EPHB1: variants seen among roughly 807,000 people sequenced by gnomAD.
EPHB1 encodes EPH receptor B1, also known as ephrin type-B receptor 1.
In EPHB1, 30 loss-of-function variants were observed where a neutral mutation model predicts 94.4. The ratio of observed to expected loss-of-function variants is 0.32; its 90% CI spans 0.24 to 0.43. EPHB1 has a LOEUF of 0.43. EPHB1 is among the 20% of genes least tolerant of loss of function. EPHB1 has a pLI of 1.00. For synonymous variants in EPHB1, 522 were observed against 489.1 expected (o/e 1.07, Z -0.89); for missense variants, 1,055 against 1,308.3 (o/e 0.81, Z 2.99).
intron 3 of EPHB1, among the ~76,000 whole-genome samples, chr3:134,977,504 C>T (rs1180804310): frequency 1.3e-5 from 2 of 152,192 alleles, no homozygotes; most frequent in African/African-American, 4.8e-5. Context: ...GTGGCCAGGA[C>T]ATCCTTGTTT....
At chr3:135,124,507 A>G (rs1940115589) in intron 4 of EPHB1, among the ~76,000 whole-genome samples, 1 of 151,772 alleles carries the variant, frequency 6.6e-6, no homozygotes, top group Non-Finnish European at 1.5e-5. Flanking sequence ...AAGCCATCCT[A>G]AGTGACTGGC....
At chr3:134,934,267 C>T (rs976333918) in intron 2 of EPHB1, among the ~76,000 whole-genome samples, 1 of 152,148 alleles carries the variant, frequency 6.6e-6, no homozygotes, top group African/African-American at 2.4e-5. Context: ...ATATAATACG[C>T]GTCTTTTAGG....
At chr3:135,158,930 C>T (rs1237640974) in intron 6 of EPHB1, among the ~76,000 whole-genome samples, 2 of 152,132 alleles carry the variant, frequency 1.3e-5, no homozygotes, top group East Asian at 1.9e-4. Context: ...ATTTTAGGAT[C>T]GTTTTCTCAT....
chr3:135,009,374 A>G (rs1935539454), intron 3 of EPHB1, among the ~76,000 whole-genome samples: 1 of 152,196 alleles, frequency 6.6e-6, no homozygotes, highest in South Asian at 2.1e-4. Context: ...TCAGAAAGTC[A>G]TGTATTAAAG....
chr3:135,112,428 A>G (rs1415100752), intron 4 of EPHB1, among the ~76,000 whole-genome samples: 1 of 151,976 alleles, frequency 6.6e-6, no homozygotes, highest in Non-Finnish European at 1.5e-5. Context: ...GTTTTAGGGT[A>G]CATGTGCACA....
chr3:134,872,254 C>T (rs997499637), intron 1 of EPHB1, among the ~76,000 whole-genome samples: 2 of 152,220 alleles, frequency 1.3e-5, no homozygotes, highest in African/African-American at 4.8e-5. Context: ...GCTTAGGGGT[C>T]TCCAGGATAT....
At chr3:134,882,765 C>CCTTTCTTTCTTTCTTTTTT (rs2037770300) in intron 1 of EPHB1, among the ~76,000 whole-genome samples, 1 of 79,882 alleles carries the variant, frequency 1.3e-5, no homozygotes, top group East Asian at 3.7e-4. Flanking sequence ...TTCCTTCCTT[C>CCTTTCTTTCTTTCTTTTTT]CTTTCTTTCT....
At chr3:134,908,780 A>G (rs925547513) in intron 1 of EPHB1, among the ~76,000 whole-genome samples, 1 of 152,068 alleles carries the variant, frequency 6.6e-6, no homozygotes, top group Non-Finnish European at 1.5e-5. Flanking sequence ...GGTGAGGGCA[A>G]TGAGGAAGGG....
chr3:135,008,142 C>T (rs1335838772), intron 3 of EPHB1, among the ~76,000 whole-genome samples: 1 of 152,126 alleles, frequency 6.6e-6, no homozygotes, highest in Non-Finnish European at 1.5e-5. Flanking sequence ...TGGGGGCATG[C>T]AGGGCAAAGC....
At chr3:135,030,067 A>C (rs1387750122) in intron 3 of EPHB1, among the ~76,000 whole-genome samples, 2 of 150,934 alleles carry the variant, frequency 1.3e-5, no homozygotes, top group South Asian at 4.2e-4. Flanking sequence ...CTTGGTTTTC[A>C]GCTCCATCAG....
At chr3:135,098,946 G>A (rs975882470) in intron 3 of EPHB1, among the ~76,000 whole-genome samples, 9 of 150,174 alleles carry the variant, frequency 6.0e-5, no homozygotes, top group African/African-American at 2.2e-4. Context: ...CTGGGAGGCG[G>A]AGGTTGCGGT....
intron 1 of EPHB1, among the ~76,000 whole-genome samples, chr3:134,836,918 T>C (rs866352467): frequency 2.4e-4 from 36 of 152,374 alleles, no homozygotes; most frequent in African/African-American, 8.2e-4. Flanking sequence ...TTTCTGTCAA[T>C]AGAATAGACT....
At chr3:135,022,342 T>A (rs1167091806) in intron 3 of EPHB1, among the ~76,000 whole-genome samples, 1 of 152,234 alleles carries the variant, frequency 6.6e-6, no homozygotes, top group Non-Finnish European at 1.5e-5. Context: ...TCTCTCTTTT[T>A]TTAGTTACAT....
intron 4 of EPHB1, among the ~76,000 whole-genome samples, chr3:135,123,756 C>T (rs1350279907): frequency 6.7e-6 from 1 of 148,156 alleles, no homozygotes; most frequent in African/African-American, 2.7e-5. Context: ...GACATAGTAT[C>T]TGTAAAAAGA....
intron 15 of EPHB1, among the ~76,000 whole-genome samples, chr3:135,257,097 T>G: frequency 6.7e-6 from 1 of 148,254 alleles, no homozygotes; most frequent in East Asian, 2.0e-4. Context: ...TCTGTATTGG[T>G]TATTCTAGTT....
rs537495145 is a variant in EPHB1 at position 135,050,393 on chromosome 3, A to C, written c.806-56055A>C. On this transcript the variant is annotated intron_variant, in intron 3 of 15. Transcript: ENST00000398015. The stretch of plus-strand genomic sequence containing the variant: ...GTTCTTTAAATTAAAATAAACTTAT[A>C]TGTTTAAAAAATATATTGCATTTGT... 1.1e-4 allele frequency among the ~76,000 whole-genome samples: 17 copies of C among 152,324 alleles called. No homozygotes were observed. In the East Asian group the frequency reaches 2.7e-3, roughly 24 times the overall value.
chr3:135,047,443 A>T (rs1045850233), intron 3 of EPHB1, among the ~76,000 whole-genome samples: 4 of 152,192 alleles, frequency 2.6e-5, no homozygotes, highest in Non-Finnish European at 4.4e-5. Flanking sequence ...TTAAAGGTCC[A>T]TTGGCATCTG....
At chr3:135,006,345 T>C (rs1180652344) in intron 3 of EPHB1, among the ~76,000 whole-genome samples, 1 of 152,222 alleles carries the variant, frequency 6.6e-6, no homozygotes, top group Non-Finnish European at 1.5e-5. Flanking sequence ...TATTGTTTAA[T>C]GAGTACAGAA....
At chr3:135,206,874 G>A (rs1300187193) in intron 12 of EPHB1, among the ~76,000 whole-genome samples, 1 of 151,966 alleles carries the variant, frequency 6.6e-6, no homozygotes, top group African/African-American at 2.4e-5. Flanking sequence ...TTACTGTCTG[G>A]GTAAAGCAAG....
Sources: gnomAD v4.1 joint callset for allele counts (sites outside exome capture counted in the v4.1 genomes callset) on GRCh38, gnomAD v4.1.1 for gene constraint, MANE v1.5 for transcripts, NCBI Gene and HGNC (gene_info 2026-07-23, HGNC 2026-07-21) for gene names.